The following ARHGAP17 variants were observed in gnomAD, a reference collection of about 807,000 sequenced individuals.
The protein encoded by ARHGAP17 is Rho GTPase activating protein 17.
In ARHGAP17, 57 loss-of-function variants were observed where a neutral mutation model predicts 99.5. The observed-to-expected ratio is 0.57, with a 90% CI of 0.46 to 0.71. ARHGAP17 has a LOEUF of 0.71. Among genes scored for constraint, ARHGAP17 ranks in the 30% least tolerant of loss-of-function variants. ARHGAP17 has a pLI of 0.00. For synonymous variants in ARHGAP17, 417 were observed against 429.6 expected, an observed-to-expected ratio of 0.97 and a Z score of 0.36; for missense variants, 1,000 against 1,122.4, an observed-to-expected ratio of 0.89 and a Z score of 1.56.
At chr16:25,001,663 T>C (rs1028603611) in intron 1 of ARHGAP17, among the ~76,000 whole-genome samples, 52 of 152,148 alleles carry the variant, frequency 3.4e-4, no homozygotes, top group Non-Finnish European at 6.2e-4. Context: ...CAAGCGATCC[T>C]CCGGCCTCAG....
At chr16:24,940,504 G>C (rs866203623) in intron 16 of ARHGAP17, among the ~76,000 whole-genome samples, 2 of 152,136 alleles carry the variant, frequency 1.3e-5, no homozygotes, top group African/African-American at 2.4e-5. Flanking sequence ...ACCAGCTTGG[G>C]AAACATCGTG....
At chr16:24,964,106 AATT>A in intron 7 of ARHGAP17, 88 bp downstream of exon 7, 1 of 831,836 alleles carries the variant, frequency 1.2e-6, no homozygotes. Context: ...TTCTGATAGA[AATT>A]ATTTAAAACA....
chr16:24,939,478 G>C lies in ARHGAP17; in HGVS notation c.1610C>G (p.Pro537Arg). 1 of 1,611,286 alleles carries C rather than the reference G, an allele frequency of 6.2e-7. No homozygotes were observed. The highest frequency in any genetic ancestry group is 8.5e-7 in the Non-Finnish European group (1 of 1,179,212). ...LPPTDGSTVV[P>R]AGPEPPPQSS... ...CTGGGGAGGGGGCTCTGGGCCAGCG[G>C]GCACCACGGTGCTGCCATCTGTGGG... Residue 537 changes from proline to arginine, a missense_variant, in exon 17 of 20, where the codon CCC becomes CGC. Around this residue, in one of 2 missense-constraint regions of ARHGAP17, gnomAD observed 528 missense variants for 511.4 expected, o/e 1.03. Transcript: ENST00000289968.
chr16:24,951,683 CTTACAAT>C (rs1355419147), intron 12 of ARHGAP17, among the ~76,000 whole-genome samples: 1 of 152,134 alleles, frequency 6.6e-6, no homozygotes, highest in Non-Finnish European at 1.5e-5. Context: ...TTGTCTCCTC[CTTACAAT>C]TTTCTTAATA....
chr16:24,925,013 T>C (rs902600937), intron 19 of ARHGAP17, among the ~76,000 whole-genome samples: 2 of 152,178 alleles, frequency 1.3e-5, no homozygotes, highest in Non-Finnish European at 2.9e-5. Context: ...TCAGATAATG[T>C]CTTCACTTTC....
At chr16:24,961,965 A>T (rs1285489592) in intron 7 of ARHGAP17, among the ~76,000 whole-genome samples, 1 of 112,116 alleles carries the variant, frequency 8.9e-6, no homozygotes, top group Non-Finnish European at 1.7e-5. Context: ...ATATGTAGAG[A>T]GAGTTTGTTT....
intron 1 of ARHGAP17, among the ~76,000 whole-genome samples, chr16:24,996,903 T>C (rs973917553): frequency 4.2e-5 from 6 of 143,368 alleles, no homozygotes; most frequent in African/African-American, 1.0e-4. Flanking sequence ...CTGGGCAACA[T>C]AGGGACAACC....
At chr16:24,967,929 G>A (rs112904853) in intron 6 of ARHGAP17, among the ~76,000 whole-genome samples, 11 of 152,244 alleles carry the variant, frequency 7.2e-5, no homozygotes, top group African/African-American at 2.6e-4. Context: ...GGCTACATAG[G>A]TTTACATGAG....
chr16:24,956,502 A>C (rs1454264743), intron 9 of ARHGAP17: 1 of 152,288 alleles, frequency 6.6e-6, no homozygotes, highest in Non-Finnish European at 1.5e-5. Flanking sequence ...AACACAGAAC[A>C]GTCAATAACA....
At chr16:24,975,052 T>C (rs898031516) in intron 3 of ARHGAP17, among the ~76,000 whole-genome samples, 1 of 152,054 alleles carries the variant, frequency 6.6e-6, no homozygotes, top group Non-Finnish European at 1.5e-5. Context: ...TACTTAAAGG[T>C]TGAGGTCGAA....
rs566321767 is a variant in ARHGAP17 at position 24,946,149 on chromosome 16, T to C, written c.1241+1333A>G. Among the ~76,000 whole-genome samples, 8 of 152,264 alleles carry C rather than the reference T, an allele frequency of 5.3e-5. No individual in the cohort carries two copies. In the East Asian group the frequency reaches 1.5e-3, roughly 29 times the overall value. ...CCTCTATTCAATCTACATTTTGCAA[T>C]GCCAATAAAGTTATCTAAGTGCAAC... On this transcript the variant is annotated intron_variant, in intron 14 of 19. Transcript: ENST00000289968.
intron 14 of ARHGAP17, among the ~76,000 whole-genome samples, chr16:24,946,593 C>T (rs2051480492): frequency 2.6e-5 from 4 of 151,892 alleles, no homozygotes; most frequent in Admixed American, 2.0e-4. Context: ...TGAAAACCAT[C>T]ACATGCAAGA....
At position 24,920,197 on chromosome 16, in the gene ARHGAP17, G is replaced by A; in HGVS notation, c.2579C>T (p.Ala860Val). Residue 860 changes from alanine to valine, a missense_variant, in exon 20 of 20, where the codon GCC becomes GTC. Coordinates refer to ENST00000289968, the MANE Select transcript of ARHGAP17 (RefSeq NM_001006634.3). ...GATGCGGCCAGGCACGTCTTTGCTG[G>A]CTGAGTCTGAGTGCATTTCAGGAAA... ...SIFPEMHSDS[A>V]SKDVPGRILL... The A allele has an allele frequency of 6.2e-7, 1 of 1,614,154 alleles. No individual in the cohort carries two copies. The highest frequency in any genetic ancestry group is 1.3e-5 in the African/African-American group (1 of 75,032).
intron 14 of ARHGAP17, among the ~76,000 whole-genome samples, chr16:24,945,813 A>C (rs539925249): frequency 1.3e-5 from 2 of 152,052 alleles, no homozygotes; most frequent in Non-Finnish European, 2.9e-5. Flanking sequence ...CTTTTAGGAG[A>C]GTACTGGAAA....
intron 16 of ARHGAP17, 150 bp downstream of exon 16, chr16:24,941,837 C>G (rs2051321319): frequency 9.6e-7 from 1 of 1,042,378 alleles, no homozygotes; most frequent in Non-Finnish European, 1.4e-6. Context: ...TTGGAATGAC[C>G]TACAGCAGAA....
intron 3 of ARHGAP17, among the ~76,000 whole-genome samples, chr16:24,975,453 CAGA>C (rs771964781): frequency 2.6e-5 from 4 of 152,108 alleles, no homozygotes; most frequent in Non-Finnish European, 4.4e-5. Flanking sequence ...AAGAAGGCAA[CAGA>C]AGGACAAGGA....
chr16:24,943,123 G>A (rs947167846), intron 15 of ARHGAP17, among the ~76,000 whole-genome samples: 3 of 152,206 alleles, frequency 2.0e-5, no homozygotes, highest in African/African-American at 4.8e-5. Context: ...ATCCCCAAAG[G>A]GGGCCATGGG....
chr16:24,991,315 C>A (rs902319608), intron 1 of ARHGAP17, among the ~76,000 whole-genome samples: 6 of 152,212 alleles, frequency 3.9e-5, no homozygotes, highest in African/African-American at 1.4e-4. Context: ...TGTTTCGTGG[C>A]ACCTAGTGAG....
intron 1 of ARHGAP17, among the ~76,000 whole-genome samples, chr16:25,012,356 C>G (rs561655459): frequency 5.3e-5 from 8 of 152,310 alleles, no homozygotes; most frequent in South Asian, 2.1e-4. Context: ...TCCCCTGGAA[C>G]CTTACAGTGA....
Sources: gnomAD v4.1 joint callset for allele counts (sites outside exome capture counted in the v4.1 genomes callset) on GRCh38, gnomAD v4.1.1 for gene constraint, gnomAD v4.1.1 regional missense constraint, MANE v1.5 for transcripts, NCBI Gene and HGNC (gene_info 2026-07-23, HGNC 2026-07-21) for gene names.